The following DNAH9 variants were observed in gnomAD, a reference collection of about 807,000 sequenced individuals.
The protein encoded by DNAH9 is dynein axonemal heavy chain 9, also known as DNAH9 variant protein.
DNAH9 carries 345 observed loss-of-function variants against 471.6 expected under a neutral mutation model. The observed-to-expected ratio is 0.73, with a 90% CI of 0.67 to 0.80. The LOEUF (loss-of-function observed/expected upper bound fraction) is 0.80, where lower values mean the gene tolerates loss of function less well. DNAH9 is among the 30% of genes least tolerant of loss of function. DNAH9 has a pLI of 0.00. For missense variants in DNAH9, 5,407 were observed against 5,609.2 expected (o/e 0.96, Z 1.15); for synonymous variants, 2,093 against 2,123.6 (o/e 0.99, Z 0.40).
rs192235694 is a variant in DNAH9, at chr17:11,832,966, A to G, written c.9247-1672A>G. 2.6e-4 allele frequency among the ~76,000 whole-genome samples: 40 copies of G among 152,336 alleles called. No homozygotes were observed. In the East Asian group the frequency reaches 5.6e-3, roughly 21 times the overall value. On this transcript the variant is annotated intron_variant, in intron 48 of 68. Coordinates refer to ENST00000262442, the MANE Select transcript of DNAH9 (RefSeq NM_001372.4). ...CAGTGACTCTCAAACTTAGACGGGC[A>G]TCAGAGTCACCGTTAAAACAGATTG... is the stretch of plus-strand genomic sequence containing the variant.
intron 59 of DNAH9, among the ~76,000 whole-genome samples, chr17:11,897,158 T>C (rs1423232941): frequency 6.6e-6 from 1 of 152,220 alleles, no homozygotes; most frequent in African/African-American, 2.4e-5. Context: ...ATTATCTCAA[T>C]ATGCAGTTGT....
At chr17:11,965,632 C>T (rs991316328) in intron 68 of DNAH9, among the ~76,000 whole-genome samples, 1 of 152,138 alleles carries the variant, frequency 6.6e-6, no homozygotes, top group Non-Finnish European at 1.5e-5. Context: ...TGAGGGGGAT[C>T]AAATATTGGA....
chr17:11,754,633 G>C, intron 33 of DNAH9, among the ~76,000 whole-genome samples: 1 of 152,122 alleles, frequency 6.6e-6, no homozygotes, highest in East Asian at 1.9e-4. Context: ...GTCATCTTTA[G>C]AAAAGTGTCT....
chr17:11,684,857 G>C (rs963486327), intron 19 of DNAH9, among the ~76,000 whole-genome samples: 2 of 152,222 alleles, frequency 1.3e-5, no homozygotes, highest in African/African-American at 2.4e-5. Flanking sequence ...AGTGTCTGCT[G>C]TCTCTTCCAT....
intron 30 of DNAH9, among the ~76,000 whole-genome samples, chr17:11,742,705 G>A (rs543003805): frequency 1.9e-4 from 29 of 152,304 alleles, no homozygotes; most frequent in African/African-American, 5.5e-4. Flanking sequence ...GTTGCTTGGC[G>A]TTACCTGTAG....
At chr17:11,799,485 C>G (rs1969375553) in intron 43 of DNAH9, among the ~76,000 whole-genome samples, 1 of 151,972 alleles carries the variant, frequency 6.6e-6, no homozygotes, top group African/African-American at 2.4e-5. Flanking sequence ...TCCTTACTTT[C>G]CTTTTTAACC....
chr17:11,837,698 A>G (rs1036690988), intron 49 of DNAH9, among the ~76,000 whole-genome samples: 2 of 152,196 alleles, frequency 1.3e-5, no homozygotes, highest in African/African-American at 2.4e-5. Context: ...AGAATCTTCC[A>G]TGGTTTCCCA....
chr17:11,769,447 C>A, intron 38 of DNAH9, 118 bp downstream of exon 38: 3 of 850,520 alleles, frequency 3.5e-6, no homozygotes, highest in Non-Finnish European at 5.6e-6. Flanking sequence ...CCCAGCACTG[C>A]GCACTTCCTC....
chr17:11,933,754 C>G (rs542329409), intron 64 of DNAH9, 126 bp from the exon 65 acceptor site: 1 of 837,170 alleles, frequency 1.2e-6, no homozygotes, highest in East Asian at 2.6e-5. Flanking sequence ...AAAAATAAGA[C>G]ATTGCTCTCA....
intron 49 of DNAH9, among the ~76,000 whole-genome samples, chr17:11,843,857 G>GTA (rs1341485444): frequency 0.019 from 180 of 9,290 alleles, no homozygotes; most frequent in African/African-American, 0.049. Context: ...GTGTGTGTGT[G>GTA]TGTGTGTATA....
rs56124130 is a variant in DNAH9 at position 11,689,366 on chromosome 17, G to GTTTT, written c.3744-190_3744-187dup. ...CTCCACCCCAGTCTGTCCTGAGTGT[G>GTTTT]TTTTTTTTTTTTTCCCAAAAGAAAA... On this transcript the variant is annotated intron_variant, in intron 19 of 68. Coordinates refer to ENST00000262442, the MANE Select transcript of DNAH9 (RefSeq NM_001372.4). Among the ~76,000 whole-genome samples the GTTTT allele has an allele frequency of 0.022, 3,217 of 146,330 alleles. 109 individuals carry two copies. The highest frequency in any genetic ancestry group is 0.075 in the African/African-American group (2,994 of 39,942).
At chr17:11,631,563 C>T (rs7218941) in intron 7 of DNAH9, among the ~76,000 whole-genome samples, 100 of 151,904 alleles carry the variant, frequency 6.6e-4, no homozygotes, top group Middle Eastern at 3.4e-3. Flanking sequence ...GAGGCTTGAA[C>T]CCGGGAGGCA....
chr17:11,706,793 A>G (rs2074710326), intron 26 of DNAH9, among the ~76,000 whole-genome samples: 1 of 152,228 alleles, frequency 6.6e-6, no homozygotes, highest in African/African-American at 2.4e-5. Flanking sequence ...ATGCATCCCC[A>G]AAAGTTAAGG....
chr17:11,729,428 C>T (rs566610195), intron 28 of DNAH9, among the ~76,000 whole-genome samples: 1 of 152,230 alleles, frequency 6.6e-6, no homozygotes, highest in African/African-American at 2.4e-5. Context: ...GTGCCTGGTA[C>T]TCCTAGTGTG....
chr17:11,634,044 T>G (rs1373459747), intron 8 of DNAH9, among the ~76,000 whole-genome samples: 3 of 152,118 alleles, frequency 2.0e-5, no homozygotes. Context: ...TCCTTGAAAT[T>G]TTATGGGTTC....
intron 39 of DNAH9, 119 bp from the exon 40 acceptor site, chr17:11,783,526 TC>T (rs2150897462): frequency 1.6e-6 from 1 of 641,940 alleles, no homozygotes; most frequent in East Asian, 2.8e-5. Flanking sequence ...TGCCGGTGGA[TC>T]TAGACTTTTT....
intron 49 of DNAH9, among the ~76,000 whole-genome samples, chr17:11,837,127 A>G (rs528801477): frequency 6.6e-6 from 1 of 152,244 alleles, no homozygotes; most frequent in African/African-American, 2.4e-5. Flanking sequence ...TTCTGTTTCC[A>G]CAAAACTGCA....
intron 17 of DNAH9, among the ~76,000 whole-genome samples, chr17:11,676,346 G>A (rs189845037): frequency 6.7e-5 from 9 of 134,164 alleles, no homozygotes; most frequent in Admixed American, 3.6e-4. Flanking sequence ...GCAATGGCAC[G>A]ATCTCGGCTC....
chr17:11,806,710 AG>A (rs1969699990), intron 43 of DNAH9, among the ~76,000 whole-genome samples: 1 of 152,252 alleles, frequency 6.6e-6, no homozygotes, highest in Non-Finnish European at 1.5e-5. Context: ...ACTAGAAAAA[AG>A]TCTAGAAGGG....
Sources: allele counts gnomAD v4.1 joint callset (sites outside exome capture counted in the v4.1 genomes callset), GRCh38; gene constraint gnomAD v4.1.1; transcripts MANE v1.5; gene names NCBI Gene and HGNC (gene_info 2026-07-23, HGNC 2026-07-21).